The following FRMD3 variants were observed in gnomAD, a reference collection of about 807,000 sequenced individuals.
FRMD3 encodes FERM domain-containing protein 3.
Under a neutral mutation model 70.2 loss-of-function variants are expected in FRMD3, and 33 were observed. That is an observed-to-expected ratio of 0.47 (90% confidence interval 0.36 to 0.63). The LOEUF (loss-of-function observed/expected upper bound fraction) is 0.63. Among genes scored for constraint, FRMD3 ranks in the 20% least tolerant of loss-of-function variants. The pLI, the probability that FRMD3 is intolerant of heterozygous loss-of-function variation, is 0.00. For missense variants in FRMD3, 632 were observed against 711.4 expected, an observed-to-expected ratio of 0.89 and a Z score of 1.27; for synonymous variants, 279 against 255.9, an observed-to-expected ratio of 1.09 and a Z score of -0.86.
At chr9:83,361,717 A>C (rs1705464304) in intron 3 of FRMD3, among the ~76,000 whole-genome samples, 1 of 152,196 alleles carries the variant, frequency 6.6e-6, no homozygotes, top group South Asian at 2.1e-4. Flanking sequence ...CATTCATATT[A>C]GGTTAGGGTG....
intron 1 of FRMD3, among the ~76,000 whole-genome samples, chr9:83,396,433 T>TA (rs1439362503): frequency 6.6e-6 from 1 of 152,222 alleles, no homozygotes; most frequent in African/African-American, 2.4e-5. Context: ...CACATGCGTG[T>TA]ACACACATGC....
At chr9:83,392,721 C>T (rs145478514) in intron 1 of FRMD3, among the ~76,000 whole-genome samples, 1,821 of 152,216 alleles carry the variant, frequency 0.012, 25 homozygotes, top group Middle Eastern at 0.037. Context: ...CAGAGAGCCC[C>T]GGGCGAGACA....
At chr9:83,577,416 C>G in the FRMD3 span, among the ~76,000 whole-genome samples, 3 of 151,958 alleles carry the variant, frequency 2.0e-5, no homozygotes, top group Admixed American at 6.6e-5. Context: ...CATTTATGGT[C>G]AACTGATTTC....
chr9:83,311,510 G>A (rs1835354745), intron 8 of FRMD3, among the ~76,000 whole-genome samples: 1 of 152,162 alleles, frequency 6.6e-6, no homozygotes, highest in African/African-American at 2.4e-5. Context: ...ACTCAACAGA[G>A]GAGAAGAGTG....
intron 1 of FRMD3, among the ~76,000 whole-genome samples, chr9:83,443,518 A>C (rs2131398957): frequency 6.6e-6 from 1 of 152,084 alleles, no homozygotes; most frequent in South Asian, 2.1e-4. Flanking sequence ...TATGTGCCAT[A>C]TTTTCTTAAT....
chr9:83,295,324 T>A (rs1280855872), intron 12 of FRMD3, among the ~76,000 whole-genome samples: 1 of 152,158 alleles, frequency 6.6e-6, no homozygotes, highest in Non-Finnish European at 1.5e-5. Context: ...GACTCAAAAA[T>A]GGTAGCATAA....
At chr9:83,559,642 A>G in the FRMD3 span, among the ~76,000 whole-genome samples, 4 of 152,218 alleles carry the variant, frequency 2.6e-5, no homozygotes, top group African/African-American at 9.6e-5. Flanking sequence ...TCAACCTATC[A>G]TTTAAAATCT....
intron 1 of FRMD3, among the ~76,000 whole-genome samples, chr9:83,490,604 G>A (rs891080512): frequency 1.1e-4 from 17 of 152,026 alleles, no homozygotes; most frequent in Admixed American, 1.0e-3. Flanking sequence ...TTCTTTAATG[G>A]AATTAACTTT....
rs1336383162 is a variant in FRMD3 at position 83,272,452 on chromosome 9, G to A, written c.1195+18151C>T. Among the ~76,000 whole-genome samples, 6 of 151,868 alleles carry A rather than the reference G, an allele frequency of 4.0e-5. No homozygotes were observed. The South Asian group carries it at 6.2e-4, about 16-fold the overall frequency. On this transcript the variant is annotated intron_variant, in intron 13 of 13. Transcript: ENST00000304195. ...GAGTGCAGTGGCGTGATCCCCGCTC[G>A]CTACAACCTCCACCTCCCAGCCGCC...
intron 1 of FRMD3, among the ~76,000 whole-genome samples, chr9:83,487,359 C>A (rs1828710999): frequency 6.6e-6 from 1 of 152,172 alleles, no homozygotes; most frequent in African/African-American, 2.4e-5. Flanking sequence ...CCCCAAAAAA[C>A]AGCCTATCTC....
At chr9:83,415,184 C>T (rs1007551267) in intron 1 of FRMD3, among the ~76,000 whole-genome samples, 3 of 152,196 alleles carry the variant, frequency 2.0e-5, no homozygotes, top group Admixed American at 6.5e-5. Flanking sequence ...TCTCTCTTCC[C>T]TGTGATCTCC....
intron 1 of FRMD3, among the ~76,000 whole-genome samples, chr9:83,409,107 TC>T (rs1362927820): frequency 6.6e-6 from 1 of 152,114 alleles, no homozygotes; most frequent in Admixed American, 6.5e-5. Context: ...AGGTTGTCCA[TC>T]CCCAGGCATG....
chr9:83,320,511 A>G (rs1276896027), intron 6 of FRMD3, among the ~76,000 whole-genome samples: 2 of 151,756 alleles, frequency 1.3e-5, no homozygotes, highest in Non-Finnish European at 2.9e-5. Flanking sequence ...CCACCTGATC[A>G]TGGTGTATTT....
At chr9:83,575,363 T>C in the FRMD3 span, among the ~76,000 whole-genome samples, 1 of 152,144 alleles carries the variant, frequency 6.6e-6, no homozygotes, top group East Asian at 1.9e-4. Context: ...GCAGAATGGT[T>C]TTCTCTATTT....
chr9:83,291,002 C>T (rs760150099), intron 12 of FRMD3, among the ~76,000 whole-genome samples: 11 of 151,948 alleles, frequency 7.2e-5, no homozygotes, highest in Non-Finnish European at 1.5e-4. Flanking sequence ...AGGTGACAGC[C>T]TGGGCGTTTT....
intron 10 of FRMD3, among the ~76,000 whole-genome samples, chr9:83,305,218 G>T (rs1195149997): frequency 6.6e-6 from 1 of 152,202 alleles, no homozygotes; most frequent in Admixed American, 6.5e-5. Context: ...CACAGTGAAG[G>T]AAGCAGGCAT....
chr9:83,435,288 C>T (rs560394815), intron 1 of FRMD3, among the ~76,000 whole-genome samples: 1 of 152,264 alleles, frequency 6.6e-6, no homozygotes, highest in Non-Finnish European at 1.5e-5. Context: ...TATCCAGGCC[C>T]ACCTGGCAGA....
intron 8 of FRMD3, among the ~76,000 whole-genome samples, chr9:83,311,307 G>A (rs1261682374): frequency 1.3e-5 from 2 of 149,874 alleles, no homozygotes; most frequent in Non-Finnish European, 1.5e-5. Flanking sequence ...AAAAAAAACA[G>A]AGACCTAAAT....
chr9:83,433,477 T>A (rs1480080527), intron 1 of FRMD3, among the ~76,000 whole-genome samples: 4 of 152,204 alleles, frequency 2.6e-5, no homozygotes, highest in Non-Finnish European at 4.4e-5. Flanking sequence ...AGGGACCAGT[T>A]TAATGGAAGA....
Sources: allele counts gnomAD v4.1 joint callset (sites outside exome capture counted in the v4.1 genomes callset), GRCh38; gene constraint gnomAD v4.1.1; transcripts MANE v1.5; gene names NCBI Gene and HGNC (gene_info 2026-07-23, HGNC 2026-07-21).